DLEU7: variants seen among roughly 807,000 people sequenced by gnomAD.
The protein encoded by DLEU7 is deleted in lymphocytic leukemia 7, also known as leukemia-associated protein 7.
In DLEU7, 17 loss-of-function variants were observed where a neutral mutation model predicts 16.0. That is an observed-to-expected ratio of 1.06 (90% CI 0.73 to 1.59). The LOEUF is 1.59. Ranked by LOEUF, DLEU7 falls within the 40% of genes most tolerant of loss-of-function variation. The pLI is 0.00. For synonymous variants in DLEU7, 113 were observed against 139.8 expected (o/e 0.81, Z 1.35); for missense variants, 308 against 314.9 (o/e 0.98, Z 0.17).
intron 1 of DLEU7, among the ~76,000 whole-genome samples, chr13:50,812,354 A>G (rs905376698): frequency 6.6e-6 from 1 of 152,164 alleles, no homozygotes; most frequent in Non-Finnish European, 1.5e-5. Context: ...ACCTCCGGCG[A>G]AGATGCATTT....
intron 1 of DLEU7, among the ~76,000 whole-genome samples, chr13:50,795,922 T>C (rs1212062747): frequency 6.6e-6 from 1 of 152,216 alleles, no homozygotes; most frequent in East Asian, 1.9e-4. Flanking sequence ...CAGAGTATGA[T>C]TTTTCTTATG....
downstream of DLEU7, among the ~76,000 whole-genome samples, chr13:50,821,688 C>T (rs766504240): frequency 1.3e-5 from 2 of 151,072 alleles, no homozygotes; most frequent in Non-Finnish European, 2.9e-5. Flanking sequence ...AAAGCACAAG[C>T]ACAGACAGAA....
chr13:50,838,753 G>A (rs894000715), intron 1 of DLEU7, among the ~76,000 whole-genome samples: 2 of 152,126 alleles, frequency 1.3e-5, no homozygotes, highest in Non-Finnish European at 2.9e-5. Flanking sequence ...TGGTCTTAGC[G>A]AGGTAATTAA....
chr13:50,819,250 A>C (rs2137798284), downstream of DLEU7, among the ~76,000 whole-genome samples: 1 of 152,264 alleles, frequency 6.6e-6, no homozygotes, highest in Non-Finnish European at 1.5e-5. Flanking sequence ...TTGTTCTGGC[A>C]GAGGGAAGAG....
chr13:50,826,215 A>G (rs754416615), intron 1 of DLEU7, among the ~76,000 whole-genome samples: 1 of 151,948 alleles, frequency 6.6e-6, no homozygotes, highest in Non-Finnish European at 1.5e-5. Context: ...ATGCTTGCTA[A>G]CCTACTGCTT....
chr13:50,813,401 T>G (rs891636337), intron 1 of DLEU7, among the ~76,000 whole-genome samples: 1 of 152,152 alleles, frequency 6.6e-6, no homozygotes, highest in Non-Finnish European at 1.5e-5. Context: ...ACAAGTGCTA[T>G]GTGTTATGGC....
intron 1 of DLEU7, among the ~76,000 whole-genome samples, chr13:50,751,490 G>A (rs1469178920): frequency 2.0e-5 from 3 of 152,136 alleles, no homozygotes; most frequent in Non-Finnish European, 4.4e-5. Flanking sequence ...TTGTGGAATA[G>A]TGTCATCAAA....
At chr13:50,785,762 G>A (rs1875780145) in intron 1 of DLEU7, among the ~76,000 whole-genome samples, 1 of 152,146 alleles carries the variant, frequency 6.6e-6, no homozygotes, top group Non-Finnish European at 1.5e-5. Flanking sequence ...AAACGTCATG[G>A]GAAGTACCAG....
intron 1 of DLEU7, among the ~76,000 whole-genome samples, chr13:50,764,617 C>A (rs978541757): frequency 6.6e-6 from 1 of 152,202 alleles, no homozygotes; most frequent in African/African-American, 2.4e-5. Context: ...AGTTGTTATT[C>A]ATAAGCATTT....
At chr13:50,725,368 G>C (rs1873737647) in intron 1 of DLEU7, among the ~76,000 whole-genome samples, 2 of 152,168 alleles carry the variant, frequency 1.3e-5, no homozygotes, top group Non-Finnish European at 2.9e-5. Context: ...CACTTTGCCA[G>C]ATTGTAGGAG....
chr13:50,738,297 A>G (rs1874141655), intron 1 of DLEU7, among the ~76,000 whole-genome samples: 1 of 152,180 alleles, frequency 6.6e-6, no homozygotes, highest in Admixed American at 6.5e-5. Context: ...ATAATAAAAC[A>G]TTGGGAAAAA....
intron 1 of DLEU7, among the ~76,000 whole-genome samples, chr13:50,780,790 G>C (rs1052812770): frequency 3.3e-5 from 5 of 152,194 alleles, no homozygotes; most frequent in Non-Finnish European, 4.4e-5. Flanking sequence ...GATGGAATCT[G>C]TGAGTGTGCA....
intron 1 of DLEU7, among the ~76,000 whole-genome samples, chr13:50,801,928 C>A (rs1470629364): frequency 6.6e-6 from 1 of 151,892 alleles, no homozygotes; most frequent in East Asian, 1.9e-4. Flanking sequence ...AATAATCTTG[C>A]CTGCAGAGAA....
intron 1 of DLEU7, among the ~76,000 whole-genome samples, chr13:50,841,486 C>G (rs1337590965): frequency 6.6e-6 from 1 of 152,138 alleles, no homozygotes; most frequent in South Asian, 2.1e-4. Context: ...CCAGCCTTAC[C>G]TATGCCCTGT....
At chr13:50,776,876 A>C (rs1459463783) in intron 1 of DLEU7, among the ~76,000 whole-genome samples, 2 of 152,196 alleles carry the variant, frequency 1.3e-5, no homozygotes, top group Non-Finnish European at 2.9e-5. Flanking sequence ...ATGGTTTTAA[A>C]CAGAGACTAC....
intron 1 of DLEU7, among the ~76,000 whole-genome samples, chr13:50,731,012 C>A (rs925610143): frequency 2.6e-5 from 4 of 152,148 alleles, no homozygotes; most frequent in Non-Finnish European, 4.4e-5. Flanking sequence ...GGAAAGTACC[C>A]CTGATTGGTC....
intron 1 of DLEU7, among the ~76,000 whole-genome samples, chr13:50,734,559 T>A (rs1382892286): frequency 4.6e-5 from 7 of 152,044 alleles, no homozygotes; most frequent in Admixed American, 4.6e-4. Flanking sequence ...CAAATTGTGA[T>A]CATTTAGAGA....
intron 1 of DLEU7, among the ~76,000 whole-genome samples, chr13:50,796,564 G>A (rs1876114170): frequency 6.6e-6 from 1 of 152,080 alleles, no homozygotes; most frequent in Non-Finnish European, 1.5e-5. Context: ...ATTGCAGTTG[G>A]CCACAGTTAA....
chr13:50,716,492 G>T (rs1223569432), intron 1 of DLEU7, among the ~76,000 whole-genome samples: 1 of 152,196 alleles, frequency 6.6e-6, no homozygotes, highest in African/African-American at 2.4e-5. Context: ...AATGTTTTTT[G>T]ATCTCTAATC....
Sources: allele counts gnomAD v4.1 joint callset (sites outside exome capture counted in the v4.1 genomes callset), GRCh38; gene constraint gnomAD v4.1.1; transcripts MANE v1.5; gene names NCBI Gene and HGNC (gene_info 2026-07-23, HGNC 2026-07-21).